SEPTIN14: variants seen among roughly 807,000 people sequenced by gnomAD.
The protein encoded by SEPTIN14 is septin-14.
Under a neutral mutation model 53.6 loss-of-function variants are expected in SEPTIN14, and 40 were observed. The observed-to-expected ratio is 0.75, with a 90% CI of 0.58 to 0.97. SEPTIN14 has a LOEUF of 0.97. SEPTIN14 is among the 50% of genes least tolerant of loss of function. The pLI, the probability that SEPTIN14 is intolerant of heterozygous loss-of-function variation, is 0.00. For missense variants in SEPTIN14, 471 were observed against 508.2 expected (o/e 0.93, Z 0.70); for synonymous variants, 138 against 166.8 (o/e 0.83, Z 1.33).
intron 2 of SEPTIN14, among the ~76,000 whole-genome samples, chr7:55,850,440 G>A (rs1052488246): frequency 2.6e-5 from 4 of 152,110 alleles, no homozygotes; most frequent in Non-Finnish European, 5.9e-5. Flanking sequence ...ATGCACTCCA[G>A]CCTGGGCAAC....
chr7:55,796,815 GA>G (rs1361823434), intron 9 of SEPTIN14, among the ~76,000 whole-genome samples: 2 of 151,860 alleles, frequency 1.3e-5, no homozygotes, highest in Non-Finnish European at 2.9e-5. Flanking sequence ...AGAGGACAAA[GA>G]AAAAAAGAAT....
chr7:55,821,575 T>A (rs185293660), intron 6 of SEPTIN14, among the ~76,000 whole-genome samples: 1 of 152,294 alleles, frequency 6.6e-6, no homozygotes, highest in East Asian at 1.9e-4. Flanking sequence ...GCTACAGTAA[T>A]CAAAATAGTT....
rs115706852 is a variant in SEPTIN14, at chr7:55,849,057, G to A, written c.55-2420C>T. ...GCAGAAAGCATGGCCAGGCACGTTGGCTCACGCCTGAAATCCCAGCAGTTT... is the reference window on the plus strand; with the variant it reads ...GCAGAAAGCATGGCCAGGCACGTTGACTCACGCCTGAAATCCCAGCAGTTT... On this transcript the variant is annotated intron_variant, in intron 2 of 9. Transcript: ENST00000388975. Among the ~76,000 whole-genome samples the A allele has an allele frequency of 1.9e-3, 287 of 152,216 alleles. 1 individual carries two copies. Among genetic ancestry groups the A allele is most frequent in the African/African-American group, 6.6e-3 (276 of 41,536 alleles).
Position 55,846,499 on chromosome 7 carries a change from G to C in SEPTIN14, c.175+18C>G. 1 of 1,545,166 alleles carries C rather than the reference G, an allele frequency of 6.5e-7. No individual in the cohort carries two copies. The highest frequency in any genetic ancestry group is 1.4e-5 in the African/African-American group (1 of 71,800). On this transcript the variant is annotated intron_variant, in intron 3 of 9. Coordinates refer to ENST00000388975, the MANE Select transcript of SEPTIN14 (RefSeq NM_207366.3). ...GGAAAAATGAAGGAATAATTCAAAT[G>C]AGGTGTTTGACACTTACCCACACAG... is the stretch of plus-strand genomic sequence containing the variant.
intron 9 of SEPTIN14, 149 bp downstream of exon 9, chr7:55,805,109 C>T: frequency 1.7e-6 from 1 of 591,082 alleles, no homozygotes; most frequent in Non-Finnish European, 2.9e-6. Context: ...TTTGTAAAGG[C>T]TATATTCAAG....
At chr7:55,830,345 ATATAT>A (rs1157180367) in intron 6 of SEPTIN14, among the ~76,000 whole-genome samples, 35 of 40,088 alleles carry the variant, frequency 8.7e-4, no homozygotes, top group African/African-American at 5.4e-3. Flanking sequence ...ATATATATAT[ATATAT>A]TTTTTTTTTT....
At chr7:55,796,150 G>C in intron 9 of SEPTIN14, 58 bp from the exon 10 acceptor site, 1 of 1,092,420 alleles carries the variant, frequency 9.2e-7, no homozygotes, top group Non-Finnish European at 1.4e-6. Flanking sequence ...ACACCCAAAA[G>C]AATATGCTTT....
intron 9 of SEPTIN14, among the ~76,000 whole-genome samples, chr7:55,796,704 C>T (rs549577267): frequency 1.2e-4 from 18 of 152,024 alleles, no homozygotes; most frequent in Middle Eastern, 6.8e-3. Context: ...CGCTTGAGTC[C>T]AGGAGTTCAA....
intron 8 of SEPTIN14, among the ~76,000 whole-genome samples, chr7:55,806,439 C>T (rs1476512664): frequency 6.6e-6 from 1 of 151,070 alleles, no homozygotes; most frequent in African/African-American, 2.4e-5. Flanking sequence ...AATATTTTTC[C>T]ATCTTTTTCT....
intron 6 of SEPTIN14, among the ~76,000 whole-genome samples, chr7:55,833,631 C>A (rs959351815): frequency 6.6e-6 from 1 of 151,800 alleles, no homozygotes; most frequent in African/African-American, 2.4e-5. Flanking sequence ...TCACTTGAAG[C>A]CGGGAGATAG....
chr7:55,842,785 T>C (rs1044383096), intron 5 of SEPTIN14, among the ~76,000 whole-genome samples, 157 bp downstream of exon 5: 4 of 151,818 alleles, frequency 2.6e-5, no homozygotes, highest in African/African-American at 9.7e-5. Context: ...TGGTGGCAGG[T>C]GCCTGTAGTC....
intron 2 of SEPTIN14, among the ~76,000 whole-genome samples, chr7:55,857,041 G>T (rs891489207): frequency 1.3e-5 from 2 of 151,648 alleles, no homozygotes; most frequent in East Asian, 2.0e-4. Flanking sequence ...CTGCACTCCC[G>T]CCTGGGTGAC....
Position 55,840,126 on chromosome 7 carries a change from T to TA in SEPTIN14, c.558+2815dup, listed in dbSNP as rs1297159977. On this transcript the variant is annotated intron_variant, in intron 5 of 9. Coordinates refer to ENST00000388975, the MANE Select transcript of SEPTIN14 (RefSeq NM_207366.3). ...CACCACGGCACTCCAGCCTGGGCAT[T>TA]AAAAAAAAAAAAAAAGTGAGACTGT... is the stretch of plus-strand genomic sequence containing the variant. 6.8e-3 allele frequency among the ~76,000 whole-genome samples: 775 copies of TA among 113,660 alleles called. 5 individuals are homozygous for TA. The highest frequency in any genetic ancestry group is 0.016 in the African/African-American group (494 of 30,102). 74.6% of individuals were successfully genotyped at this position (113,660 alleles called of 152,430 possible).
intron 6 of SEPTIN14, among the ~76,000 whole-genome samples, chr7:55,823,403 T>C (rs1021506136): frequency 3.9e-5 from 6 of 152,170 alleles, no homozygotes; most frequent in Admixed American, 3.3e-4. Context: ...AGCTGTTCCA[T>C]CACTCAATAA....
intron 3 of SEPTIN14, among the ~76,000 whole-genome samples, chr7:55,846,236 T>G (rs932844973): frequency 2.0e-5 from 3 of 151,438 alleles, no homozygotes; most frequent in African/African-American, 7.3e-5. Flanking sequence ...CTCATGCCTG[T>G]AATCCCAGCA....
intron 6 of SEPTIN14, among the ~76,000 whole-genome samples, chr7:55,830,345 ATATATT>A (rs1455737900): frequency 9.7e-4 from 39 of 40,088 alleles, no homozygotes; most frequent in African/African-American, 7.4e-3. Flanking sequence ...ATATATATAT[ATATATT>A]TTTTTTTTTT....
intron 6 of SEPTIN14, among the ~76,000 whole-genome samples, chr7:55,829,961 G>C (rs371036437): frequency 6.6e-6 from 1 of 151,372 alleles, no homozygotes; most frequent in Non-Finnish European, 1.5e-5. Context: ...GGCGGATCAC[G>C]AGGTCAGGAG....
chr7:55,807,562 AGTAT>A (rs1313717961), intron 7 of SEPTIN14, among the ~76,000 whole-genome samples: 1 of 152,180 alleles, frequency 6.6e-6, no homozygotes, highest in Non-Finnish European at 1.5e-5. Flanking sequence ...ACAATTGTGT[AGTAT>A]GTTATAAACT....
At chr7:55,822,856 CA>C (rs148179709) in intron 6 of SEPTIN14, among the ~76,000 whole-genome samples, 30,523 of 104,354 alleles carry the variant, frequency 0.29, 3,607 homozygotes, top group East Asian at 0.48. Flanking sequence ...CAGGGGAAAG[CA>C]AAAAAAAAAA....
Sources: allele counts gnomAD v4.1 joint callset (sites outside exome capture counted in the v4.1 genomes callset), GRCh38; gene constraint gnomAD v4.1.1; transcripts MANE v1.5; gene names NCBI Gene and HGNC (gene_info 2026-07-23, HGNC 2026-07-21).